PTPRD: variants seen among roughly 807,000 people sequenced by gnomAD.
PTPRD encodes the protein protein tyrosine phosphatase receptor type D, also known as receptor-type tyrosine-protein phosphatase delta.
PTPRD carries 34 observed loss-of-function variants against 214.5 expected under a neutral mutation model. That is an observed-to-expected ratio of 0.16 (90% CI 0.12 to 0.21). The LOEUF (loss-of-function observed/expected upper bound fraction) is 0.21. Ranked by LOEUF, PTPRD falls within the 10% of genes least tolerant of loss-of-function variation. The pLI is 1.00. For missense variants in PTPRD, 2,545 were observed against 2,398.7 expected (o/e 1.06, Z -1.27); for synonymous variants, 1,128 against 845.7 (o/e 1.33, Z -5.79).
At chr9:9,757,682 G>C (rs1244860239) in intron 6 of PTPRD, among the ~76,000 whole-genome samples, 1 of 152,034 alleles carries the variant, frequency 6.6e-6, no homozygotes, top group African/African-American at 2.4e-5. Flanking sequence ...CTAAAACTCA[G>C]TTTGCCTGTC....
intron 12 of PTPRD, among the ~76,000 whole-genome samples, chr9:8,690,932 T>C (rs917104196): frequency 3.3e-5 from 5 of 152,098 alleles, no homozygotes; most frequent in African/African-American, 1.2e-4. Context: ...AGTGGAAAAA[T>C]GGATTTGACT....
chr9:9,520,684 G>C (rs1474665588), intron 8 of PTPRD, among the ~76,000 whole-genome samples: 1 of 152,104 alleles, frequency 6.6e-6, no homozygotes. Context: ...GAAAGTAATT[G>C]GCAGCTGGAG....
At chr9:9,295,153 A>C (rs1952569367) in intron 9 of PTPRD, among the ~76,000 whole-genome samples, 1 of 151,804 alleles carries the variant, frequency 6.6e-6, no homozygotes, top group African/African-American at 2.4e-5. Context: ...TACGTCCTTT[A>C]AAACAGATTT....
At chr9:9,594,580 G>A (rs901910790) in intron 7 of PTPRD, among the ~76,000 whole-genome samples, 16 of 152,090 alleles carry the variant, frequency 1.1e-4, no homozygotes, top group Non-Finnish European at 2.2e-4. Flanking sequence ...TCAGTTGGCT[G>A]TAAGTATTTG....
intron 7 of PTPRD, among the ~76,000 whole-genome samples, chr9:9,619,494 A>C (rs1360689304): frequency 6.8e-6 from 1 of 147,222 alleles, no homozygotes; most frequent in East Asian, 2.0e-4. Flanking sequence ...TATAATCTAT[A>C]TATATTATAT....
chr9:9,305,038 C>T (rs551481740), intron 9 of PTPRD, among the ~76,000 whole-genome samples: 67 of 149,586 alleles, frequency 4.5e-4, no homozygotes, highest in Non-Finnish European at 9.0e-4. Flanking sequence ...TACTTCACGC[C>T]CACCTGTTAG....
rs1567098330 is a variant in PTPRD at position 8,934,451 on chromosome 9, T to TATATATAAA, written c.-104+84245_-104+84246insTTTATATAT. 4.2e-3 allele frequency among the ~76,000 whole-genome samples: 57 copies of TATATATAAA among 13,618 alleles called. 5 individuals are homozygous for TATATATAAA. Among genetic ancestry groups the TATATATAAA allele is most frequent in the Middle Eastern group, 0.11 (2 of 18 alleles). 8.9% of individuals were successfully genotyped at this position (13,618 alleles called of 152,430 possible). A position where few individuals can be genotyped will look rare whatever the true frequency, so the allele number is the denominator to read the frequency against. ...TATATATATAAATATATATATAAAT[T>TATATATAAA]TATATATATATAAATATATATATAT... is the stretch of plus-strand genomic sequence containing the variant. On this transcript the variant is annotated intron_variant, in intron 11 of 45. Transcript: ENST00000381196.
At chr9:8,942,460 C>T (rs1392390451) in intron 11 of PTPRD, among the ~76,000 whole-genome samples, 3 of 152,164 alleles carry the variant, frequency 2.0e-5, no homozygotes, top group Admixed American at 1.3e-4. Flanking sequence ...TGAACTTCAT[C>T]AGCAACTGGA....
At chr9:8,366,866 C>A (rs372173916) in intron 39 of PTPRD, among the ~76,000 whole-genome samples, 1 of 152,272 alleles carries the variant, frequency 6.6e-6, no homozygotes, top group African/African-American at 2.4e-5. Flanking sequence ...AGAGCATGGC[C>A]CTTAAAACTA....
chr9:8,907,747 A>G (rs1029009992), intron 11 of PTPRD, among the ~76,000 whole-genome samples: 7 of 152,042 alleles, frequency 4.6e-5, no homozygotes, highest in African/African-American at 1.7e-4. Flanking sequence ...TCAACAGAAA[A>G]TATTCAATCT....
At chr9:10,596,427 T>G (rs1231866579) in intron 2 of PTPRD, among the ~76,000 whole-genome samples, 1 of 151,764 alleles carries the variant, frequency 6.6e-6, no homozygotes, top group Non-Finnish European at 1.5e-5. Flanking sequence ...ATTAAGCCTT[T>G]ATAGTCAAAT....
intron 9 of PTPRD, among the ~76,000 whole-genome samples, chr9:9,185,095 C>T (rs908881942): frequency 6.6e-6 from 1 of 152,000 alleles, no homozygotes; most frequent in African/African-American, 2.4e-5. Flanking sequence ...GGCTTGGAAG[C>T]TCCTTGCTGT....
intron 10 of PTPRD, among the ~76,000 whole-genome samples, chr9:9,036,382 G>A (rs947193585): frequency 2.6e-5 from 4 of 152,034 alleles, no homozygotes; most frequent in African/African-American, 9.7e-5. Context: ...GGAAGTGATT[G>A]TTAAAAATAT....
intron 7 of PTPRD, among the ~76,000 whole-genome samples, chr9:9,714,329 G>T (rs1335222519): frequency 6.6e-6 from 1 of 152,068 alleles, no homozygotes; most frequent in Non-Finnish European, 1.5e-5. Flanking sequence ...TAAAAATTAA[G>T]ACAAAGACAA....
At chr9:10,558,404 A>T (rs2063100625) in intron 2 of PTPRD, among the ~76,000 whole-genome samples, 1 of 152,120 alleles carries the variant, frequency 6.6e-6, no homozygotes. Context: ...TCTTGATAAT[A>T]TTCCTGAATC....
chr9:9,898,058 T>A (rs1357979016), intron 5 of PTPRD, among the ~76,000 whole-genome samples: 2 of 152,114 alleles, frequency 1.3e-5, no homozygotes, highest in African/African-American at 4.8e-5. Flanking sequence ...CTAAATTATG[T>A]AATAGTAAGA....
intron 14 of PTPRD, among the ~76,000 whole-genome samples, chr9:8,600,980 T>C (rs1255372515): frequency 6.6e-6 from 1 of 152,124 alleles, no homozygotes; most frequent in Non-Finnish European, 1.5e-5. Flanking sequence ...CCCAGCATCC[T>C]GGATGGCATT....
chr9:9,338,073 A>G (rs912068210), intron 9 of PTPRD, among the ~76,000 whole-genome samples: 4 of 152,216 alleles, frequency 2.6e-5, no homozygotes, highest in South Asian at 4.1e-4. Flanking sequence ...CCATTCAAAT[A>G]AAAAATTACA....
At chr9:8,326,902 T>C (rs1249563929) in intron 44 of PTPRD, among the ~76,000 whole-genome samples, 4 of 119,620 alleles carry the variant, frequency 3.3e-5, no homozygotes, top group Non-Finnish European at 7.2e-5. Flanking sequence ...TCAGTGGTGA[T>C]TTCCCCTTTG....
Sources: gnomAD v4.1 joint callset for allele counts (sites outside exome capture counted in the v4.1 genomes callset) on GRCh38, gnomAD v4.1.1 for gene constraint, MANE v1.5 for transcripts, NCBI Gene and HGNC (gene_info 2026-07-23, HGNC 2026-07-21) for gene names.